Variants in IMMP2L observed in about 807,000 individuals in gnomAD.
IMMP2L encodes the protein mitochondrial inner membrane protease subunit 2.
In IMMP2L, 18 loss-of-function variants were observed where a neutral mutation model predicts 19.3. That is an observed-to-expected ratio of 0.93 (90% confidence interval 0.64 to 1.38). The LOEUF is 1.38. Among genes scored for constraint, IMMP2L ranks in the 40% most tolerant of loss-of-function variants. IMMP2L has a pLI of 0.00. For synonymous variants in IMMP2L, 76 were observed against 73.0 expected (o/e 1.04, Z -0.21); for missense variants, 233 against 218.2 (o/e 1.07, Z -0.43).
At chr7:110,821,102 C>G (rs1802989918) in intron 5 of IMMP2L, among the ~76,000 whole-genome samples, 1 of 152,086 alleles carries the variant, frequency 6.6e-6, no homozygotes, top group African/African-American at 2.4e-5. Flanking sequence ...TCATTTAACT[C>G]TTCCCAAGAG....
intron 3 of IMMP2L, among the ~76,000 whole-genome samples, chr7:111,441,989 T>C (rs1430235533): frequency 6.6e-6 from 1 of 151,460 alleles, no homozygotes; most frequent in Non-Finnish European, 1.5e-5. Flanking sequence ...ATACAAAAAT[T>C]AGCTGGGTGT....
At chr7:110,677,608 A>G (rs893393991) in intron 5 of IMMP2L, among the ~76,000 whole-genome samples, 1 of 152,208 alleles carries the variant, frequency 6.6e-6, no homozygotes, top group East Asian at 1.9e-4. Context: ...AGACAACCTG[A>G]TAAGAGCAAA....
At position 111,387,071 on chromosome 7, in the gene IMMP2L, A is replaced by C. The variant is rs916781240; in HGVS notation, c.239+100167T>G. ...TTCTATCTATCTGTTGTCCTGTAAA[A>C]AGAAAAGAAAATACTATTATTTGTA... is the stretch of plus-strand genomic sequence containing the variant. On this transcript the variant is annotated intron_variant, in intron 3 of 5. Transcript: ENST00000405709. Among the ~76,000 whole-genome samples, 2 of 152,192 alleles carry C rather than the reference A, an allele frequency of 1.3e-5. 1 individual carries two copies. Among genetic ancestry groups the C allele is most frequent in the South Asian group, 4.1e-4 (2 of 4,822 alleles).
chr7:111,087,857 T>C (rs1175531511), intron 3 of IMMP2L, among the ~76,000 whole-genome samples: 3 of 152,178 alleles, frequency 2.0e-5, no homozygotes, highest in Non-Finnish European at 4.4e-5. Context: ...AGTAATAATG[T>C]CAAACATTTG....
chr7:111,437,047 T>A (rs1177567850), intron 3 of IMMP2L, among the ~76,000 whole-genome samples: 1 of 151,822 alleles, frequency 6.6e-6, no homozygotes, highest in Non-Finnish European at 1.5e-5. Flanking sequence ...CCTTCATCAT[T>A]GGGGGTTATA....
rs184564185 is a variant in IMMP2L at position 111,380,134 on chromosome 7, A to T, written c.239+107104T>A. Among the ~76,000 whole-genome samples the T allele has an allele frequency of 1.8e-4, 28 of 152,048 alleles. No homozygotes were observed. In the East Asian group the frequency reaches 4.6e-3, roughly 25 times the overall value. On this transcript the variant is annotated intron_variant, in intron 3 of 5. Transcript: ENST00000405709. Reference sequence around the variant, plus strand: ...TAATATTTTATTATAATATCTAAAAAATTTGAAGGCACTTCACAGTATTAC... The same window carrying T: ...TAATATTTTATTATAATATCTAAAATATTTGAAGGCACTTCACAGTATTAC...
intron 4 of IMMP2L, among the ~76,000 whole-genome samples, chr7:110,918,944 G>C (rs990601953): frequency 2.0e-4 from 30 of 152,058 alleles, no homozygotes; most frequent in African/African-American, 3.6e-4. Context: ...AATAGAAATT[G>C]ATGGTTCATC....
rs1417068214 is a variant in IMMP2L at position 110,803,473 on chromosome 7, G to A, written c.408+83120C>T. ...TTAGTGTTTAAGATGTTTATAGAGA[G>A]TAGGAATCAATGGGATCAATGTGTA... On this transcript the variant is annotated intron_variant, in intron 5 of 5. Transcript: ENST00000405709. This position sits in a 1 kb window ranked among gnomAD's most constrained non-coding sequence, Gnocchi z 4.2. Among the ~76,000 whole-genome samples the A allele has an allele frequency of 6.6e-6, 1 of 152,116 alleles. No individual in the cohort carries two copies. The highest frequency in any genetic ancestry group is 1.5e-5 in the Non-Finnish European group (1 of 68,006).
At chr7:111,536,631 C>A (rs1285569074) in intron 1 of IMMP2L, among the ~76,000 whole-genome samples, 1 of 151,930 alleles carries the variant, frequency 6.6e-6, no homozygotes, top group Non-Finnish European at 1.5e-5. Context: ...AAAATAAGTC[C>A]CCTTTATGAT....
chr7:111,239,152 T>C (rs990308885), intron 3 of IMMP2L, among the ~76,000 whole-genome samples: 3 of 151,926 alleles, frequency 2.0e-5, no homozygotes, highest in African/African-American at 7.2e-5. Context: ...TCAATTTGAA[T>C]AATGAGTTCA....
At chr7:110,941,029 A>T (rs1040432756) in intron 4 of IMMP2L, among the ~76,000 whole-genome samples, 15 of 152,322 alleles carry the variant, frequency 9.8e-5, no homozygotes, top group African/African-American at 3.6e-4. Context: ...AATCACTACT[A>T]TTGAGAGTTA....
At chr7:111,455,362 C>T (rs1221713465) in intron 3 of IMMP2L, among the ~76,000 whole-genome samples, 3 of 151,812 alleles carry the variant, frequency 2.0e-5, no homozygotes, top group Non-Finnish European at 4.4e-5. Context: ...ATTCTTTTTA[C>T]ATTTGAATAA....
chr7:111,374,600 A>G (rs1413794090), intron 3 of IMMP2L, among the ~76,000 whole-genome samples: 2 of 152,144 alleles, frequency 1.3e-5, no homozygotes, highest in African/African-American at 4.8e-5. Flanking sequence ...TTCACAGTAT[A>G]AAGGGGAAAA....
Position 111,346,160 on chromosome 7 carries a change from T to C in IMMP2L, c.239+141078A>G, listed in dbSNP as rs529567065. Among the ~76,000 whole-genome samples, 49 of 152,326 alleles carry C rather than the reference T, an allele frequency of 3.2e-4. 1 individual carries two copies. The South Asian group carries it at 9.9e-3, about 31-fold the overall frequency. On this transcript the variant is annotated intron_variant, in intron 3 of 5. Transcript: ENST00000405709. ...CATCATATGTAGTAAGTGCTTTGTA[T>C]GTCTTATTTCAGTAAAGCCTAATAT...
In IMMP2L at chr7:111,386,005, C is replaced by T. The variant is rs537296466; in HGVS notation, c.239+101233G>A. Reference sequence around the variant, plus strand: ...CTCCAACTCCTGGGCTTAAGCCTCCCGAGTAGCTAGGACTACAACCACATG... The same window carrying T: ...CTCCAACTCCTGGGCTTAAGCCTCCTGAGTAGCTAGGACTACAACCACATG... On this transcript the variant is annotated intron_variant, in intron 3 of 5. Transcript: ENST00000405709. 4.6e-5 allele frequency among the ~76,000 whole-genome samples: 7 copies of T among 151,806 alleles called. 1 individual carries two copies. The highest frequency in any genetic ancestry group is 7.2e-5 in the African/African-American group (3 of 41,402).
intron 3 of IMMP2L, among the ~76,000 whole-genome samples, chr7:111,019,287 TC>T (rs1826040471): frequency 6.6e-6 from 1 of 152,134 alleles, no homozygotes; most frequent in African/African-American, 2.4e-5. Flanking sequence ...GCTCCAGTGT[TC>T]CAGGGCTTCC....
chr7:111,436,926 T>C (rs1837231278), intron 3 of IMMP2L, among the ~76,000 whole-genome samples: 1 of 151,550 alleles, frequency 6.6e-6, no homozygotes, highest in Admixed American at 6.6e-5. Flanking sequence ...CCACACTCTT[T>C]TAGACAAACA....
At chr7:111,468,951 A>T (rs1034139473) in intron 3 of IMMP2L, among the ~76,000 whole-genome samples, 1 of 152,102 alleles carries the variant, frequency 6.6e-6, no homozygotes, top group Non-Finnish European at 1.5e-5. Flanking sequence ...TGGGTTTGAG[A>T]AGTCTGAGGA....
At chr7:111,190,427 C>T (rs905917306) in intron 3 of IMMP2L, among the ~76,000 whole-genome samples, 12 of 151,658 alleles carry the variant, frequency 7.9e-5, no homozygotes, top group African/African-American at 2.2e-4. Flanking sequence ...TAGATTTGTC[C>T]GAAGGGAAAA....
Sources: gnomAD v4.1 joint callset for allele counts (sites outside exome capture counted in the v4.1 genomes callset) on GRCh38, gnomAD v4.1.1 for gene constraint, Gnocchi (gnomAD v3.1) non-coding constraint, MANE v1.5 for transcripts, NCBI Gene and HGNC (gene_info 2026-07-23, HGNC 2026-07-21) for gene names.